Variants in TARP observed in about 807,000 individuals in gnomAD.
chr7:38,268,377 A>G, the TARP span, among the ~76,000 whole-genome samples: 1 of 151,628 alleles, frequency 6.6e-6, no homozygotes. Context: ...GATATATTAA[A>G]TCTACATATG....
the TARP span, among the ~76,000 whole-genome samples, chr7:38,267,797 A>T: frequency 6.6e-6 from 1 of 150,516 alleles, no homozygotes. Context: ...TCTAGTCAAT[A>T]TATTTTCCAA....
At chr7:38,259,798 G>A in the TARP span, 24 of 329,428 alleles carry the variant, frequency 7.3e-5, 1 homozygote, top group East Asian at 5.7e-4. Flanking sequence ...GCTAGAAGCC[G>A]CAGGATGTCT....
the TARP span, chr7:38,259,820 G>A: frequency 4.7e-6 from 2 of 426,548 alleles, no homozygotes; most frequent in South Asian, 2.6e-5. Flanking sequence ...CACTATAGCA[G>A]GCGCTATTTG....
the TARP span, among the ~76,000 whole-genome samples, chr7:38,266,585 G>A: frequency 6.6e-6 from 1 of 151,850 alleles, no homozygotes; most frequent in Non-Finnish European, 1.5e-5. Flanking sequence ...ATAGGTGTGA[G>A]CCACCATGCC....
the TARP span, among the ~76,000 whole-genome samples, chr7:38,264,835 C>T: frequency 1.3e-5 from 2 of 151,708 alleles, no homozygotes; most frequent in African/African-American, 4.8e-5. Flanking sequence ...TTTAGATAAA[C>T]ATCATTCTGT....
At chr7:38,262,146 G>T in the TARP span, 2 of 1,601,694 alleles carry the variant, frequency 1.2e-6, no homozygotes, top group Non-Finnish European at 8.5e-7. Flanking sequence ...ATGATCAGGA[G>T]GAAGGGAAAA....
chr7:38,262,040 A>G, the TARP span: 20 of 765,208 alleles, frequency 2.6e-5, no homozygotes, highest in African/African-American at 2.3e-4. Flanking sequence ...CTAGAAAATG[A>G]GGGACTAATT....
chr7:38,263,407 G>A, the TARP span, among the ~76,000 whole-genome samples: 7 of 151,792 alleles, frequency 4.6e-5, no homozygotes, highest in Admixed American at 1.3e-4. Flanking sequence ...TACTTTGTAG[G>A]AATAATCCAC....
At chr7:38,272,248 T>G in the TARP span, among the ~76,000 whole-genome samples, 2 of 150,718 alleles carry the variant, frequency 1.3e-5, no homozygotes, top group Admixed American at 6.7e-5. Flanking sequence ...TAACTTGAAT[T>G]CTAGAAGAGG....
chr7:38,265,678 T>C, the TARP span: 1 of 1,579,006 alleles, frequency 6.3e-7, no homozygotes, highest in Non-Finnish European at 8.6e-7. Flanking sequence ...AAGTTGTTTA[T>C]CTATGGGGAG....
At chr7:38,260,943 T>C in the TARP span, among the ~76,000 whole-genome samples, 1 of 151,846 alleles carries the variant, frequency 6.6e-6, no homozygotes, top group Non-Finnish European at 1.5e-5. Context: ...GTCGCATTCT[T>C]TGTGCATATG....
the TARP span, among the ~76,000 whole-genome samples, chr7:38,272,840 T>C: frequency 1.3e-5 from 2 of 151,268 alleles, no homozygotes; most frequent in African/African-American, 2.4e-5. Flanking sequence ...ATTAAGTCAA[T>C]TGGATAAAAG....
chr7:38,268,486 C>T, the TARP span, among the ~76,000 whole-genome samples: 1 of 150,688 alleles, frequency 6.6e-6, no homozygotes. Context: ...ATGATGTTTC[C>T]AACTGGATTT....
chr7:38,264,647 A>T, the TARP span, among the ~76,000 whole-genome samples: 1 of 151,608 alleles, frequency 6.6e-6, no homozygotes. Flanking sequence ...ACACATTATA[A>T]AACTGTAACT....
At chr7:38,272,661 T>C in the TARP span, among the ~76,000 whole-genome samples, 11 of 150,158 alleles carry the variant, frequency 7.3e-5, no homozygotes, top group Admixed American at 4.7e-4. Context: ...AGCATTTTTA[T>C]AATTTGAACA....
chr7:38,271,076 C>T, the TARP span, among the ~76,000 whole-genome samples: 7 of 150,580 alleles, frequency 4.6e-5, no homozygotes, highest in African/African-American at 7.4e-5. Context: ...CTTCTCCTTT[C>T]CTTAGGGCTT....
the TARP span, among the ~76,000 whole-genome samples, chr7:38,266,953 C>G: frequency 6.6e-6 from 1 of 151,706 alleles, no homozygotes; most frequent in East Asian, 1.9e-4. Context: ...TTTCATTTTG[C>G]TTCAGAAAAT....
At chr7:38,264,549 C>A in the TARP span, among the ~76,000 whole-genome samples, 1 of 150,896 alleles carries the variant, frequency 6.6e-6, no homozygotes, top group Non-Finnish European at 1.5e-5. Context: ...TGAGATCATA[C>A]CATAGCACAC....
chr7:38,262,855 C>T, the TARP span, among the ~76,000 whole-genome samples: 1 of 151,434 alleles, frequency 6.6e-6, no homozygotes, highest in East Asian at 1.9e-4. Flanking sequence ...GACAGGGTTT[C>T]GCCATGTTGC....
Sources: allele counts gnomAD v4.1 joint callset (sites outside exome capture counted in the v4.1 genomes callset), GRCh38; gene constraint gnomAD v4.1.1; transcripts MANE v1.5.